The following ZNF320 variants were observed in gnomAD, a reference collection of about 807,000 sequenced individuals.
The protein encoded by ZNF320 is zinc finger gene 320.
A neutral mutation model predicts 6.8 loss-of-function variants in ZNF320; 2 were observed. The ratio of observed to expected loss-of-function variants is 0.29; its 90% CI spans 0.12 to 0.93. The LOEUF (loss-of-function observed/expected upper bound fraction) is 0.93. Among genes scored for constraint, ZNF320 ranks in the 40% least tolerant of loss-of-function variants. The pLI, the probability that ZNF320 is intolerant of heterozygous loss-of-function variation, is 0.55. For synonymous variants in ZNF320, 208 were observed against 203.2 expected (o/e 1.02, Z -0.20); for missense variants, 472 against 611.0 (o/e 0.77, Z 2.40).
intron 4 of ZNF320, among the ~76,000 whole-genome samples, chr19:52,889,883 A>G (rs1339811486): frequency 6.6e-6 from 1 of 152,108 alleles, no homozygotes; most frequent in African/African-American, 2.4e-5. Flanking sequence ...TGTGACTTCC[A>G]TTGGCAGCTG....
chr19:52,890,905 C>A (rs1363214343), intron 3 of ZNF320, among the ~76,000 whole-genome samples: 1 of 151,770 alleles, frequency 6.6e-6, no homozygotes, highest in Admixed American at 6.6e-5. Flanking sequence ...AATACTAGCA[C>A]TCTGGAAGGC....
intron 5 of ZNF320, among the ~76,000 whole-genome samples, chr19:52,865,676 G>GATTATACATATATATTAT (rs2063543719): frequency 2.5e-5 from 2 of 81,556 alleles, no homozygotes; most frequent in East Asian, 3.4e-4. Context: ...TATATTATAT[G>GATTATACATATATATTAT]ATTATACATA....
chr19:52,860,399 G>A (rs965978116), downstream of ZNF320, among the ~76,000 whole-genome samples: 1 of 152,022 alleles, frequency 6.6e-6, no homozygotes, highest in African/African-American at 2.4e-5. Flanking sequence ...AGGAGTTCCA[G>A]ACCAGTCTGG....
chr19:52,865,125 C>A (rs1001076596), intron 5 of ZNF320, among the ~76,000 whole-genome samples: 2 of 151,924 alleles, frequency 1.3e-5, no homozygotes, highest in Non-Finnish European at 2.9e-5. Context: ...AGTTGGAGAC[C>A]AGCCTGGTCA....
rs2064102785 is a variant in ZNF320, at chr19:52,886,977, A to AAG, written c.142+1149_142+1150insCT. On this transcript the variant is annotated intron_variant, in intron 5 of 5. Transcript: ENST00000682928. Reference sequence around the variant, plus strand: ...AGAAAGAAAGAAAGAAAAGAAAGAAAGAAGGAAGGAAGGAAGGAAGGAAGG... The same window carrying AAG: ...AGAAAGAAAGAAAGAAAAGAAAGAAAAGGAAGGAAGGAAGGAAGGAAGGAAGG... 8.9e-5 allele frequency among the ~76,000 whole-genome samples: 11 copies of AAG among 123,234 alleles called. No individual in the cohort carries two copies. The South Asian group carries it at 3.0e-3, about 34-fold the overall frequency. The allele number at this position is 123,234 out of a possible 152,430, so 80.8% of individuals were successfully genotyped here.
rs1600611339 is a variant in ZNF320, at chr19:52,880,576, A to G, written c.*20T>C. The stretch of plus-strand genomic sequence containing the variant: ...GTTAAGTCAACTCAAACTCAGGTCA[A>G]TGCTGATTTGACTCTGATGTCAATT... On this transcript the variant is annotated 3_prime_UTR_variant, in exon 6 of 6. Transcript: ENST00000682928. 1 of 1,577,886 alleles carries G rather than the reference A, an allele frequency of 6.3e-7. No homozygotes were observed. The highest frequency in any genetic ancestry group is 1.8e-5 in the Admixed American group (1 of 54,878).
Position 52,896,934 on chromosome 19 carries a change from C to A in ZNF320, c.-270+586G>T, listed in dbSNP as rs1232838837. ...TGGCCATGGCCAAGCACCGGCCACA[C>A]CTTCATCTGCATAGGGCACCCATCT... On this transcript the variant is annotated intron_variant, in intron 1 of 5. Transcript: ENST00000682928. Among the ~76,000 whole-genome samples the A allele has an allele frequency of 1.3e-3, 192 of 152,338 alleles. 1 individual carries two copies. The highest frequency in any genetic ancestry group is 1.2e-3 in the Admixed American group (19 of 15,304).
chr19:52,860,229 C>T (rs945022970), downstream of ZNF320, among the ~76,000 whole-genome samples: 2 of 152,000 alleles, frequency 1.3e-5, no homozygotes, highest in Non-Finnish European at 2.9e-5. Context: ...CTTACATAGG[C>T]GCCTAGGTAA....
At chr19:52,859,616 C>CA (rs2063474671), downstream of ZNF320, among the ~76,000 whole-genome samples, 1 of 152,154 alleles carries the variant, frequency 6.6e-6, no homozygotes, top group South Asian at 2.1e-4. Flanking sequence ...CAGGGAAAGA[C>CA]AGAGAAGCTT....
upstream of ZNF320, among the ~76,000 whole-genome samples, chr19:52,899,088 TG>T (rs1305796190): frequency 6.6e-6 from 1 of 152,260 alleles, no homozygotes; most frequent in Non-Finnish European, 1.5e-5. Flanking sequence ...AGATTGATAG[TG>T]ATTCATATAG....
At chr19:52,862,260 C>T (rs2063490637) in exon 6 of ZNF320, 1 of 685,022 alleles carries the variant, frequency 1.5e-6, no homozygotes, top group East Asian at 5.2e-5. Context: ...ACACTCATTA[C>T]ACTTGTAAGG....
At chr19:52,892,965 T>C (rs2147886391) in intron 2 of ZNF320, among the ~76,000 whole-genome samples, 1 of 152,242 alleles carries the variant, frequency 6.6e-6, no homozygotes, top group East Asian at 1.9e-4. Flanking sequence ...AGCTTTTCTC[T>C]ACATTTCTCC....
intron 5 of ZNF320, among the ~76,000 whole-genome samples, chr19:52,887,499 G>A (rs892913061): frequency 2.0e-5 from 3 of 152,214 alleles, no homozygotes; most frequent in Non-Finnish European, 2.9e-5. Flanking sequence ...TATGTAATAT[G>A]TGGACATCGG....
At chr19:52,892,755 C>A (rs573429926) in intron 2 of ZNF320, among the ~76,000 whole-genome samples, 1 of 151,414 alleles carries the variant, frequency 6.6e-6, no homozygotes, top group Non-Finnish European at 1.5e-5. Context: ...CTTGTTATAC[C>A]TCCCTGGCCC....
chr19:52,862,145 T>G lies in ZNF320; in HGVS notation c.*1884A>C, dbSNP rs117201954. ...CCAATGATTTGCAACAGTTCTAGCATTACCAAAGGCATTGTGACAATCATT... is the reference window on the plus strand; with the variant it reads ...CCAATGATTTGCAACAGTTCTAGCAGTACCAAAGGCATTGTGACAATCATT... On this transcript the variant is annotated 3_prime_UTR_variant, in exon 6 of 6. Coordinates refer to the ZNF320 transcript ENST00000673631. The G allele has an allele frequency of 1.7e-4, 70 of 407,104 alleles. No individual in the cohort carries two copies. The East Asian group carries it at 4.0e-3, about 23-fold the overall frequency. The allele number at this position is 407,104 out of a possible 1,614,324, so 25.2% of individuals were successfully genotyped here. A position where few individuals can be genotyped will look rare whatever the true frequency, so the allele number is the denominator to read the frequency against.
chr19:52,894,765 G>C (rs952625931), intron 1 of ZNF320: 3 of 151,970 alleles, frequency 2.0e-5, no homozygotes, highest in Non-Finnish European at 4.4e-5. Flanking sequence ...CCAGCTACTC[G>C]GGAGGCTGAG....
chr19:52,902,754 A>G, the ZNF320 span, among the ~76,000 whole-genome samples: 1 of 152,122 alleles, frequency 6.6e-6, no homozygotes, highest in Non-Finnish European at 1.5e-5. Context: ...TATTTATCTA[A>G]TTTTTCATGT....
intron 5 of ZNF320, among the ~76,000 whole-genome samples, chr19:52,865,924 T>C (rs1374586759): frequency 1.1e-5 from 1 of 94,326 alleles, no homozygotes; most frequent in Non-Finnish European, 2.1e-5. Context: ...TATATTTATA[T>C]ATGATTATAC....
intron 5 of ZNF320, among the ~76,000 whole-genome samples, chr19:52,882,345 A>G (rs2063948010): frequency 6.6e-6 from 1 of 152,228 alleles, no homozygotes; most frequent in Non-Finnish European, 1.5e-5. Flanking sequence ...TCATATATAC[A>G]GTATATTTAG....
Sources: allele counts gnomAD v4.1 joint callset (sites outside exome capture counted in the v4.1 genomes callset), GRCh38; gene constraint gnomAD v4.1.1; transcripts MANE v1.5; gene names NCBI Gene and HGNC (gene_info 2026-07-23, HGNC 2026-07-21).